The following ANKS1B variants were observed in gnomAD, a reference collection of about 807,000 sequenced individuals.
ANKS1B encodes ankyrin repeat and sterile alpha motif domain containing 1B, also known as ankyrin repeat and sterile alpha motif domain-containing protein 1B.
A neutral mutation model predicts 148.3 loss-of-function variants in ANKS1B; 36 were observed. The observed-to-expected ratio is 0.24, with a 90% CI of 0.19 to 0.32. The LOEUF (loss-of-function observed/expected upper bound fraction) is 0.32. Among genes scored for constraint, ANKS1B ranks in the 10% least tolerant of loss-of-function variants. The pLI is 1.00. For synonymous variants in ANKS1B, 542 were observed against 560.8 expected (o/e 0.97, Z 0.47); for missense variants, 1,157 against 1,542.6 (o/e 0.75, Z 4.19).
chr12:99,406,533 A>G lies in ANKS1B; in HGVS notation c.1576-6722T>C, dbSNP rs886289440. On this transcript the variant is annotated intron_variant, in intron 11 of 26. Coordinates refer to ENST00000683438, the MANE Select transcript of ANKS1B (RefSeq NM_001352186.2). ...TATGGGCTACAGCAAAAGCAGAACT[A>G]ACAGGAAAATTTATAGCTATAAGCA... Among the ~76,000 whole-genome samples, 4 of 145,396 alleles carry G rather than the reference A, an allele frequency of 2.8e-5. 1 individual carries two copies. Among genetic ancestry groups the G allele is most frequent in the African/African-American group, 7.8e-5 (3 of 38,358 alleles).
intron 1 of ANKS1B, among the ~76,000 whole-genome samples, chr12:99,951,092 C>T (rs909266786): frequency 1.3e-5 from 2 of 152,182 alleles, no homozygotes; most frequent in Non-Finnish European, 2.9e-5. Flanking sequence ...GCCAGTGTTG[C>T]CATAAGAGTT....
At chr12:99,082,291 G>A (rs2050075356) in intron 16 of ANKS1B, among the ~76,000 whole-genome samples, 1 of 152,140 alleles carries the variant, frequency 6.6e-6, no homozygotes, top group Non-Finnish European at 1.5e-5. Flanking sequence ...GCAATAGCAA[G>A]AACAGTGATG....
intron 12 of ANKS1B, among the ~76,000 whole-genome samples, chr12:99,343,195 C>G (rs2090174921): frequency 6.6e-6 from 1 of 151,918 alleles, no homozygotes; most frequent in African/African-American, 2.4e-5. Flanking sequence ...AAATGTGTGA[C>G]CATTGAAACA....
intron 12 of ANKS1B, among the ~76,000 whole-genome samples, chr12:99,298,857 A>G (rs1174613725): frequency 6.6e-6 from 1 of 152,186 alleles, no homozygotes; most frequent in Admixed American, 6.5e-5. Flanking sequence ...CAATTTTCCA[A>G]TCTTTCAGTA....
intron 9 of ANKS1B, among the ~76,000 whole-genome samples, chr12:99,505,331 C>A (rs2096699228): frequency 6.6e-6 from 1 of 152,004 alleles, no homozygotes; most frequent in Admixed American, 6.6e-5. Flanking sequence ...TAATAACATT[C>A]TTACAGTTTG....
intron 24 of ANKS1B, among the ~76,000 whole-genome samples, chr12:98,778,755 T>A (rs1400290512): frequency 1.3e-5 from 2 of 152,150 alleles, no homozygotes; most frequent in Admixed American, 1.3e-4. Flanking sequence ...TATTTCTCAG[T>A]CTTACCCAGT....
chr12:99,406,658 A>G (rs1361226904), intron 11 of ANKS1B, among the ~76,000 whole-genome samples: 1 of 146,116 alleles, frequency 6.8e-6, no homozygotes, highest in African/African-American at 2.6e-5. Flanking sequence ...AAGAAAAGAA[A>G]TAATAAAGAT....
At chr12:99,798,423 T>TAA (rs61020616) in intron 4 of ANKS1B, among the ~76,000 whole-genome samples, 893 of 78,600 alleles carry the variant, frequency 0.011, 8 homozygotes, top group South Asian at 0.032. Context: ...CTCTTGGAAT[T>TAA]AAAAAAAAAA....
intron 14 of ANKS1B, among the ~76,000 whole-genome samples, chr12:99,158,828 C>G (rs1429008475): frequency 6.6e-6 from 1 of 152,166 alleles, no homozygotes; most frequent in Non-Finnish European, 1.5e-5. Flanking sequence ...AGAAAGGGCT[C>G]CCCTTCTCCT....
intron 1 of ANKS1B, among the ~76,000 whole-genome samples, chr12:99,975,100 C>T (rs2095609700): frequency 6.6e-6 from 1 of 152,098 alleles, no homozygotes; most frequent in Admixed American, 6.5e-5. Flanking sequence ...CTGCAGTAAG[C>T]TGTGATTGCA....
At chr12:99,894,651 C>T (rs910261577) in intron 1 of ANKS1B, among the ~76,000 whole-genome samples, 1 of 150,726 alleles carries the variant, frequency 6.6e-6, no homozygotes, top group African/African-American at 2.4e-5. Context: ...TGTTTCAGTA[C>T]ACTATTCAAT....
chr12:98,975,278 T>G (rs2099892536), intron 17 of ANKS1B, among the ~76,000 whole-genome samples: 3 of 137,262 alleles, frequency 2.2e-5, no homozygotes, highest in South Asian at 2.7e-4. Context: ...CCTCCCTCCC[T>G]TCCTTTTTTC....
chr12:99,621,160 C>CA (rs1259226940), intron 9 of ANKS1B, among the ~76,000 whole-genome samples: 1 of 151,742 alleles, frequency 6.6e-6, no homozygotes, highest in African/African-American at 2.4e-5. Context: ...GCTTCATAAG[C>CA]AAAAAAGAAA....
intron 8 of ANKS1B, among the ~76,000 whole-genome samples, chr12:99,664,148 T>C (rs184865674): frequency 3.1e-4 from 47 of 151,372 alleles, no homozygotes; most frequent in Non-Finnish European, 6.0e-4. Flanking sequence ...CCTTAGAAAG[T>C]TTAAACTTTT....
At chr12:99,057,750 A>G (rs2040760758) in intron 16 of ANKS1B, among the ~76,000 whole-genome samples, 1 of 152,188 alleles carries the variant, frequency 6.6e-6, no homozygotes, top group Non-Finnish European at 1.5e-5. Context: ...GTTAGAGACG[A>G]GGTCTCTGTG....
chr12:99,113,857 A>T (rs970585222), intron 15 of ANKS1B, among the ~76,000 whole-genome samples: 1 of 152,182 alleles, frequency 6.6e-6, no homozygotes, highest in African/African-American at 2.4e-5. Context: ...ATTGATTTGT[A>T]TATTCTAATT....
At chr12:99,787,112 G>T (rs185074146) in intron 4 of ANKS1B, among the ~76,000 whole-genome samples, 3,992 of 152,258 alleles carry the variant, frequency 0.026, 178 homozygotes, top group African/African-American at 0.091. Flanking sequence ...TAAACTGGAT[G>T]ATAGATTTTT....
intron 17 of ANKS1B, among the ~76,000 whole-genome samples, chr12:99,046,823 A>G (rs964669795): frequency 8.4e-5 from 12 of 143,308 alleles, no homozygotes; most frequent in East Asian, 2.0e-4. Flanking sequence ...AAAAGAAAAA[A>G]AAAAGAAAAA....
chr12:98,861,426 G>T (rs988747488), intron 17 of ANKS1B, among the ~76,000 whole-genome samples: 1 of 152,170 alleles, frequency 6.6e-6, no homozygotes, highest in Non-Finnish European at 1.5e-5. Context: ...TGTTCTAATG[G>T]CTCCAGATGG....
Sources: allele counts gnomAD v4.1 joint callset (sites outside exome capture counted in the v4.1 genomes callset), GRCh38; gene constraint gnomAD v4.1.1; transcripts MANE v1.5; gene names NCBI Gene and HGNC (gene_info 2026-07-23, HGNC 2026-07-21).